The following BAIAP3 variants were observed in gnomAD, a reference collection of about 807,000 sequenced individuals.
BAIAP3 encodes the protein BAI1 associated protein 3.
Under a neutral mutation model 149.7 loss-of-function variants are expected in BAIAP3, and 180 were observed. The ratio of observed to expected loss-of-function variants is 1.20; its 90% CI spans 1.07 to 1.36. The LOEUF is 1.36. Among genes scored for constraint, BAIAP3 ranks in the 40% most tolerant of loss-of-function variants. The probability of loss-of-function intolerance (pLI) is 0.00; values close to 1 mark genes in which losing one functional copy is unlikely to be tolerated. For missense variants in BAIAP3, 1,767 were observed against 1,563.4 expected (o/e 1.13, Z -2.20); for synonymous variants, 845 against 670.7 (o/e 1.26, Z -4.02).
chr16:1,340,467 C>T (rs1596567561), intron 5 of BAIAP3, among the ~76,000 whole-genome samples: 1 of 52,782 alleles, frequency 1.9e-5, no homozygotes, highest in African/African-American at 4.6e-5. Flanking sequence ...CACACAGATG[C>T]ACACGCACAC....
intron 15 of BAIAP3, 96 bp from the exon 16 acceptor site, chr16:1,343,926 C>T: frequency 6.4e-7 from 1 of 1,554,468 alleles, no homozygotes; most frequent in African/African-American, 1.3e-5. Flanking sequence ...GCTGACCATG[C>T]CCGGGGAAGG....
Position 1,338,802 on chromosome 16 carries a change from C to T in BAIAP3, c.132-100C>T, listed in dbSNP as rs540021066. The T allele has an allele frequency of 2.6e-4, 419 of 1,584,614 alleles. 1 individual carries two copies. Among genetic ancestry groups the T allele is most frequent in the South Asian group, 1.5e-3 (136 of 87,808 alleles). On this transcript the variant is annotated intron_variant, in intron 2 of 33. Coordinates refer to ENST00000426824, the MANE Select transcript of BAIAP3 (RefSeq NM_001199097.2). ...GGAGGGTCTGCAGTTAGCTGTGCCA[C>T]ACTGTGGATGTCACATGGCCCTTCC...
chr16:1,334,169 C>A (rs534150679), intron 1 of BAIAP3, among the ~76,000 whole-genome samples: 71 of 152,086 alleles, frequency 4.7e-4, no homozygotes, highest in African/African-American at 1.6e-3. Context: ...GCTGCACCCC[C>A]CAGCGTCCTC....
At position 1,346,361 on chromosome 16, in the gene BAIAP3, G is replaced by A. The variant is rs764303300; in HGVS notation, c.2493G>A (p.Lys831=). 5.6e-6 allele frequency: 9 copies of A among 1,609,394 alleles called. No homozygotes were observed. The highest frequency in any genetic ancestry group is 4.4e-5 in the South Asian group (4 of 90,956). ...AHTVTAHLTS[K]MVGDIRKYVQ... ...CGGTGACAGCGCACCTGACCTCTAAGGTGGGTGGGGCCTGGAGACCAAGGC... is the reference window on the plus strand; with the variant it reads ...CGGTGACAGCGCACCTGACCTCTAAAGTGGGTGGGGCCTGGAGACCAAGGC... The change falls in exon 25 of 34, where the codon AAG becomes AAA. Residue 831 remains lysine (K), a splice_region_variant and synonymous_variant. Transcript: ENST00000426824.
rs762673539 is a variant in BAIAP3 at position 1,339,510 on chromosome 16, C to G, written c.315C>G (p.Tyr105Ter). The change falls in exon 5 of 34, where the codon TAC becomes TAG. Residue 105 changes from tyrosine (Y) to a stop codon, truncating the protein, a stop_gained. Transcript: ENST00000426824. LOFTEE classifies it high-confidence loss of function. ...CCCACCTGCAGGTGGAGATGCTCTA[C>G]GAGGAGGCCCTGTACACGGTGCTTT... ...ALAPEEVEML[Y>*]EEALYTVLYR... 6.2e-7 allele frequency: 1 copy of G among 1,609,874 alleles called. No homozygotes were observed. The highest frequency in any genetic ancestry group is 8.5e-7 in the Non-Finnish European group (1 of 1,177,624).
chr16:1,337,212 C>G (rs2033513861), intron 1 of BAIAP3, among the ~76,000 whole-genome samples: 2 of 152,210 alleles, frequency 1.3e-5, no homozygotes, highest in South Asian at 2.1e-4. Flanking sequence ...GACCACCCGG[C>G]CTTCCTCCCT....
At chr16:1,343,620 C>A in intron 15 of BAIAP3, 107 bp downstream of exon 15, 1 of 1,475,838 alleles carries the variant, frequency 6.8e-7, no homozygotes, top group South Asian at 1.3e-5. Flanking sequence ...GCGTGGGGGT[C>A]AAAGACAAAT....
At chr16:1,333,962 T>A (rs2033292493) in intron 1 of BAIAP3, among the ~76,000 whole-genome samples, 1 of 151,944 alleles carries the variant, frequency 6.6e-6, no homozygotes, top group African/African-American at 2.4e-5. Flanking sequence ...GGGCGGGGTC[T>A]CGGGGGCATT....
Position 1,345,834 on chromosome 16 carries a change from C to A in BAIAP3, c.2152C>A (p.Arg718Ser). The A allele has an allele frequency of 6.3e-7, 1 of 1,579,358 alleles. No homozygotes were observed. Among genetic ancestry groups the A allele is most frequent in the African/African-American group, 1.3e-5 (1 of 74,364 alleles). ...CAGCCACATCCAGGAGTTGTGGGTGCGCCTGGCGTGGCCTGACCCTGCCCA... is the reference window on the plus strand; with the variant it reads ...CAGCCACATCCAGGAGTTGTGGGTGAGCCTGGCGTGGCCTGACCCTGCCCA... ...CLSHIQELWV[R>S]LAWPDPAQAQ... is the part of the protein sequence containing the mutation. The change falls in exon 23 of 34, where the codon CGC becomes AGC. Residue 718 changes from arginine to serine, a missense_variant. By Grantham distance (110) the Arg-to-Ser change is moderately radical. Transcript: ENST00000426824.
chr16:1,344,490 G>C lies in BAIAP3; in HGVS notation c.1624G>C (p.Asp542His), dbSNP rs114280977. The part of the protein sequence containing the change: ...ALKRGNREWY[D>H]RILNDKSPRE... ...GCAGAGAGGCAACCGTGAGTGGTAC[G>C]ACAGGATCCTGAATGACAAGAGTCC... is the stretch of plus-strand genomic sequence containing the variant. Residue 542 changes from aspartate to histidine, a missense_variant, in exon 18 of 34, where the codon GAC becomes CAC. Physicochemically the swap from Asp to His is moderately conservative, Grantham distance 81 (BLOSUM62 -1). Transcript: ENST00000426824. 6.2e-7 allele frequency: 1 copy of C among 1,613,286 alleles called. No homozygotes were observed. Among genetic ancestry groups the C allele is most frequent in the Non-Finnish European group, 8.5e-7 (1 of 1,179,946 alleles).
intron 14 of BAIAP3, 24 bp from the exon 15 acceptor site, chr16:1,343,369 T>C (rs1158774424): frequency 1.9e-6 from 3 of 1,573,330 alleles, no homozygotes; most frequent in Non-Finnish European, 2.6e-6. Flanking sequence ...TTCATACCCT[T>C]TGACCATGGG....
At chr16:1,334,637 T>C in intron 1 of BAIAP3, 1 of 1,542,524 alleles carries the variant, frequency 6.5e-7, no homozygotes, top group Non-Finnish European at 8.8e-7. Context: ...CTTGTTAGAA[T>C]GCAGATTCCC....
rs755660273 is a variant in BAIAP3 at position 1,345,964 on chromosome 16, C to G, written c.2209-22C>G. Reference sequence around the variant, plus strand: ...GGGGCAGGGGAGGGCTCCATGGCTCCCCACCGCCATCCCCTCCTCAGGACG... The same window carrying G: ...GGGGCAGGGGAGGGCTCCATGGCTCGCCACCGCCATCCCCTCCTCAGGACG... On this transcript the variant is annotated intron_variant, in intron 23 of 33. Coordinates refer to ENST00000426824, the MANE Select transcript of BAIAP3 (RefSeq NM_001199097.2). 25 of 1,593,152 alleles carry G rather than the reference C, an allele frequency of 1.6e-5. No individual in the cohort carries two copies. The Admixed American group carries it at 4.3e-4, about 27-fold the overall frequency.
Position 1,345,311 on chromosome 16 carries a change from G to C in BAIAP3, c.2003G>C (p.Trp668Ser), listed in dbSNP as rs1162116223. The change falls in exon 22 of 34, where the codon TGG becomes TCG. Residue 668 changes from tryptophan (W) to serine (S), a missense_variant. Physicochemically the swap from Trp to Ser is radical, Grantham distance 177 (BLOSUM62 -3). Coordinates refer to ENST00000426824, the MANE Select transcript of BAIAP3 (RefSeq NM_001199097.2). ...HAPFLPAVKL[W>S]FQVLRDQAKW... The stretch of plus-strand genomic sequence containing the variant: ...CCCTTCCTGCCTGCTGTGAAGCTCT[G>C]GTTCCAAGTGCTGAGGGACCAGGCC... 7 of 1,613,150 alleles carry C rather than the reference G, an allele frequency of 4.3e-6. No individual in the cohort carries two copies. Among genetic ancestry groups the C allele is most frequent in the Non-Finnish European group, 5.1e-6 (6 of 1,179,930 alleles).
intron 5 of BAIAP3, among the ~76,000 whole-genome samples, chr16:1,340,425 G>A (rs1233350017): frequency 1.3e-5 from 1 of 74,976 alleles, no homozygotes; most frequent in Non-Finnish European, 3.3e-5. Flanking sequence ...TAGGCTGCAG[G>A]TGTACACAGA....
chr16:1,346,846 G>T lies in BAIAP3; in HGVS notation c.2643-1G>T. On this transcript the variant is annotated splice_acceptor_variant, in intron 27 of 33. Transcript: ENST00000426824. LOFTEE classifies it high-confidence loss of function. ...CCGTGGTCACTGATGCTGCCCTGCA[G>T]GGTGCTGGAGGCCCTGTGGGAGCTA... 1 of 1,593,746 alleles carries T rather than the reference G, an allele frequency of 6.3e-7. No individual in the cohort carries two copies. The highest frequency in any genetic ancestry group is 8.5e-7 in the Non-Finnish European group (1 of 1,172,934).
intron 1 of BAIAP3, chr16:1,334,517 G>T: frequency 2.9e-6 from 2 of 678,334 alleles, no homozygotes; most frequent in Non-Finnish European, 5.1e-6. Flanking sequence ...CACGGGCGAG[G>T]GGAGGAAGAA....
At chr16:1,342,468 G>A in intron 11 of BAIAP3, 59 bp from the exon 12 acceptor site, 3 of 1,482,444 alleles carry the variant, frequency 2.0e-6, no homozygotes, top group Non-Finnish European at 2.8e-6. Flanking sequence ...GTCTCACAGA[G>A]TCAGTGTGGA....
chr16:1,342,254 T>C lies in BAIAP3; in HGVS notation c.928T>C (p.Phe310Leu). 1 of 1,612,544 alleles carries C rather than the reference T, an allele frequency of 6.2e-7. No homozygotes were observed. The highest frequency in any genetic ancestry group is 8.5e-7 in the Non-Finnish European group (1 of 1,179,830). The part of the protein sequence containing the change: ...AGPTEDHTDD[F>L]LGCLNIPVRE... ...ACCCACCGAGGACCACACCGATGACTTCCTGGGGTGCCTCAACATACCTGT... is the reference window on the plus strand; with the variant it reads ...ACCCACCGAGGACCACACCGATGACCTCCTGGGGTGCCTCAACATACCTGT... The change falls in exon 11 of 34, where the codon TTC becomes CTC. Residue 310 changes from phenylalanine (F) to leucine (L), a missense_variant. Phe to Leu is a conservative substitution (Grantham distance 22). Coordinates refer to ENST00000426824, the MANE Select transcript of BAIAP3 (RefSeq NM_001199097.2).
Sources: gnomAD v4.1 joint callset for allele counts (sites outside exome capture counted in the v4.1 genomes callset) on GRCh38, gnomAD v4.1.1 for gene constraint, MANE v1.5 for transcripts, NCBI Gene and HGNC (gene_info 2026-07-23, HGNC 2026-07-21) for gene names.